The following ANKS1B variants were observed in gnomAD, a reference collection of about 807,000 sequenced individuals.
ANKS1B encodes the protein ankyrin repeat and sterile alpha motif domain containing 1B.
A neutral mutation model predicts 148.3 loss-of-function variants in ANKS1B; 36 were observed. That is an observed-to-expected ratio of 0.24 (90% confidence interval 0.19 to 0.32). ANKS1B has a LOEUF of 0.32. Among genes scored for constraint, ANKS1B ranks in the 10% least tolerant of loss-of-function variants. The pLI, the probability that ANKS1B is intolerant of heterozygous loss-of-function variation, is 1.00. For synonymous variants in ANKS1B, 542 were observed against 560.8 expected (o/e 0.97, Z 0.47); for missense variants, 1,157 against 1,542.6 (o/e 0.75, Z 4.19).
intron 17 of ANKS1B, among the ~76,000 whole-genome samples, chr12:98,994,942 C>A (rs774441365): frequency 8.0e-5 from 12 of 150,508 alleles, no homozygotes; most frequent in Non-Finnish European, 1.6e-4. Context: ...GGATAAAATT[C>A]AACCATAACG....
intron 12 of ANKS1B, among the ~76,000 whole-genome samples, chr12:99,285,880 A>G (rs1290576655): frequency 6.6e-6 from 1 of 152,134 alleles, no homozygotes; most frequent in African/African-American, 2.4e-5. Context: ...AGCCTTAGCC[A>G]GAGGGGAATC....
chr12:98,958,245 A>G (rs1222784209), intron 17 of ANKS1B, among the ~76,000 whole-genome samples: 1 of 152,262 alleles, frequency 6.6e-6, no homozygotes, highest in Non-Finnish European at 1.5e-5. Flanking sequence ...CCATTGGGGA[A>G]TAACTATAAA....
At chr12:99,114,501 G>C (rs1004007847) in intron 15 of ANKS1B, among the ~76,000 whole-genome samples, 1 of 152,098 alleles carries the variant, frequency 6.6e-6, no homozygotes, top group African/African-American at 2.4e-5. Flanking sequence ...CCTGTAATCT[G>C]AGCACTTTGG....
chr12:99,788,061 C>A (rs1297143480), intron 4 of ANKS1B, among the ~76,000 whole-genome samples: 3 of 152,166 alleles, frequency 2.0e-5, no homozygotes, highest in Admixed American at 2.0e-4. Flanking sequence ...ACAAGGACTG[C>A]AATTCCTAGG....
chr12:98,860,030 T>C (rs2099590690), intron 17 of ANKS1B, among the ~76,000 whole-genome samples: 1 of 152,256 alleles, frequency 6.6e-6, no homozygotes, highest in African/African-American at 2.4e-5. Context: ...GCAAATGGAA[T>C]GAACAGTTCT....
intron 5 of ANKS1B, among the ~76,000 whole-genome samples, chr12:99,781,063 C>CAAAAAA (rs35901124): frequency 8.3e-6 from 1 of 120,232 alleles, no homozygotes; most frequent in Non-Finnish European, 1.7e-5. Context: ...CACATAATTG[C>CAAAAAA]AAAAAAAAAA....
chr12:99,390,710 T>C (rs1316751198), intron 12 of ANKS1B, among the ~76,000 whole-genome samples: 1 of 152,140 alleles, frequency 6.6e-6, no homozygotes, highest in Non-Finnish European at 1.5e-5. Context: ...ACTAGCAAGA[T>C]TTTGGGGATA....
intron 9 of ANKS1B, among the ~76,000 whole-genome samples, chr12:99,637,025 G>A (rs930040203): frequency 6.6e-6 from 1 of 152,152 alleles, no homozygotes; most frequent in Non-Finnish European, 1.5e-5. Context: ...GATGATGATG[G>A]CCGGGTGTGG....
At chr12:99,441,357 T>C (rs987868533) in intron 11 of ANKS1B, among the ~76,000 whole-genome samples, 3 of 151,850 alleles carry the variant, frequency 2.0e-5, no homozygotes, top group African/African-American at 7.3e-5. Flanking sequence ...GCACATCCTC[T>C]AGTCTTCAAA....
intron 1 of ANKS1B, among the ~76,000 whole-genome samples, chr12:99,833,022 A>G (rs1326420069): frequency 6.6e-6 from 1 of 152,234 alleles, no homozygotes; most frequent in East Asian, 1.9e-4. Flanking sequence ...CACGACTATA[A>G]GAAAGTTACT....
chr12:99,183,297 G>A lies in ANKS1B; in HGVS notation c.2420-28902C>T, dbSNP rs908099518. Among the ~76,000 whole-genome samples the A allele has an allele frequency of 4.9e-4, 75 of 152,094 alleles. 1 individual carries two copies. The highest frequency in any genetic ancestry group is 1.6e-3 in the African/African-American group (68 of 41,410). ...AACAGTTGGATTGAGCTTATGCAGC[G>A]TTTCCCAAAGTTTTAGAAATTCCAT... On this transcript the variant is annotated intron_variant, in intron 14 of 26. Coordinates refer to ENST00000683438, the MANE Select transcript of ANKS1B (RefSeq NM_001352186.2).
chr12:99,905,419 A>G (rs1439449481), intron 1 of ANKS1B, among the ~76,000 whole-genome samples: 1 of 152,226 alleles, frequency 6.6e-6, no homozygotes, highest in Non-Finnish European at 1.5e-5. Flanking sequence ...GGGCACAGGG[A>G]AAGACATACC....
intron 9 of ANKS1B, among the ~76,000 whole-genome samples, chr12:99,640,172 AAAAT>A (rs1335385362): frequency 1.6e-4 from 25 of 152,178 alleles, no homozygotes; most frequent in Non-Finnish European, 5.9e-5. Flanking sequence ...ACTCCATCTC[AAAAT>A]AAATAAATAA....
At chr12:99,545,296 C>T (rs987439455) in intron 9 of ANKS1B, among the ~76,000 whole-genome samples, 16 of 152,086 alleles carry the variant, frequency 1.1e-4, no homozygotes, top group Non-Finnish European at 2.4e-4. Context: ...TAACTTTCGA[C>T]CAATATTTAT....
At chr12:99,010,756 TATTA>T (rs770219189) in intron 17 of ANKS1B, among the ~76,000 whole-genome samples, 18 of 143,640 alleles carry the variant, frequency 1.3e-4, no homozygotes, top group South Asian at 6.8e-4. Flanking sequence ...TTATTATTAT[TATTA>T]TTTTTTTTTG....
intron 17 of ANKS1B, among the ~76,000 whole-genome samples, chr12:98,912,758 C>T (rs1162678613): frequency 2.6e-5 from 4 of 152,150 alleles, no homozygotes; most frequent in Non-Finnish European, 5.9e-5. Flanking sequence ...ATCACAAATC[C>T]TGGGAGAATC....
intron 17 of ANKS1B, among the ~76,000 whole-genome samples, chr12:98,989,632 TG>T (rs1381474307): frequency 6.6e-6 from 1 of 152,174 alleles, no homozygotes; most frequent in African/African-American, 2.4e-5. Context: ...ATTTTAGGAT[TG>T]TTTTTTCTGT....
chr12:99,848,347 CA>C (rs1380394123), intron 1 of ANKS1B, among the ~76,000 whole-genome samples: 1 of 152,142 alleles, frequency 6.6e-6, no homozygotes, highest in African/African-American at 2.4e-5. Context: ...AGAGAAAGAA[CA>C]GACCATGTAT....
chr12:99,131,970 T>G (rs2066236078), intron 15 of ANKS1B, among the ~76,000 whole-genome samples: 2 of 152,178 alleles, frequency 1.3e-5, no homozygotes, highest in Admixed American at 1.3e-4. Flanking sequence ...TGGTGTCTGA[T>G]GCTCTGTTTT....
Sources: gnomAD v4.1 joint callset for allele counts (sites outside exome capture counted in the v4.1 genomes callset) on GRCh38, gnomAD v4.1.1 for gene constraint, MANE v1.5 for transcripts, NCBI Gene and HGNC (gene_info 2026-07-23, HGNC 2026-07-21) for gene names.